ZNF576: variants seen among roughly 807,000 people sequenced by gnomAD.
ZNF576 encodes zinc finger protein 576.
Under a neutral mutation model 10.8 loss-of-function variants are expected in ZNF576, and 9 were observed. The ratio of observed to expected loss-of-function variants is 0.84; its 90% CI spans 0.50 to 1.46. ZNF576 has a LOEUF of 1.46. Among genes scored for constraint, ZNF576 ranks in the 40% most tolerant of loss-of-function variants. The pLI is 0.00. For missense variants in ZNF576, 191 were observed against 233.7 expected, an observed-to-expected ratio of 0.82 and a Z score of 1.19; for synonymous variants, 88 against 89.6, an observed-to-expected ratio of 0.98 and a Z score of 0.10.
intron 1 of ZNF576, 58 bp from the exon 2 acceptor site, chr19:43,597,036 C>A: frequency 6.8e-7 from 1 of 1,460,782 alleles, no homozygotes; most frequent in South Asian, 1.1e-5. Context: ...CTTAGGGTGC[C>A]CTCTAAGACT....
In ZNF576 at chr19:43,599,427, G is replaced by A. The variant is rs749102131; in HGVS notation, c.*169G>A. The A allele has an allele frequency of 1.0e-4, 68 of 658,396 alleles. No individual in the cohort carries two copies. Among genetic ancestry groups the A allele is most frequent in the Non-Finnish European group, 1.6e-4 (63 of 395,232 alleles). 40.8% of individuals were successfully genotyped at this position (658,396 alleles called of 1,614,324 possible). ...CAGAAGATTCTTATTTAGAGCTTCA[G>A]TCTTTGGAGCACACAGGGCCTTCGT... On this transcript the variant is annotated 3_prime_UTR_variant, in exon 3 of 3. Coordinates refer to ENST00000336564, the MANE Select transcript of ZNF576 (RefSeq NM_001145347.2).
rs1166713259 is a variant in ZNF576, at chr19:43,599,611, G to C, written c.*353G>C. ...CATTCTTCCCAGATGGATGCCATGG[G>C]CTATGGGAGCAAATTGCCCTGGACC... On this transcript the variant is annotated 3_prime_UTR_variant, in exon 3 of 3. Coordinates refer to ENST00000336564, the MANE Select transcript of ZNF576 (RefSeq NM_001145347.2). The C allele has an allele frequency of 8.3e-6, 2 of 240,208 alleles. No homozygotes were observed. The highest frequency in any genetic ancestry group is 4.6e-5 in the African/African-American group (2 of 43,806). The allele number at this position is 240,208 out of a possible 1,614,324, so 14.9% of individuals were successfully genotyped here.
upstream of ZNF576, chr19:43,596,452 C>G (rs1419339848): frequency 6.6e-6 from 1 of 152,464 alleles, no homozygotes; most frequent in Non-Finnish European, 1.5e-5. Context: ...GGGATCTCGG[C>G]TCCGAGAGGC....
intron 1 of ZNF576, 63 bp from the exon 2 acceptor site, chr19:43,597,031 G>A (rs1042529864): frequency 2.8e-6 from 4 of 1,407,604 alleles, no homozygotes; most frequent in African/African-American, 2.8e-5. Context: ...ATAGACTTAG[G>A]GTGCCCTCTA....
intron 2 of ZNF576, chr19:43,597,407 G>C (rs1456420023): frequency 2.1e-5 from 11 of 526,456 alleles, no homozygotes; most frequent in Non-Finnish European, 3.4e-5. Flanking sequence ...AAGCAGGATT[G>C]CAATGCTTAT....
chr19:43,597,066 C>T (rs368286378), intron 1 of ZNF576, 28 bp from the exon 2 acceptor site: 44 of 1,600,130 alleles, frequency 2.7e-5, no homozygotes, highest in African/African-American at 8.0e-5. Flanking sequence ...TGAACAGCTT[C>T]ACTTATGCAC....
In ZNF576 at chr19:43,596,962, G is replaced by A. The variant is rs117732853; in HGVS notation, c.-15-132G>A. The A allele has an allele frequency of 7.6e-6, 5 of 661,044 alleles. No homozygotes were observed. In the East Asian group the frequency reaches 1.4e-4, roughly 18 times the overall value. 40.9% of individuals were successfully genotyped at this position (661,044 alleles called of 1,614,324 possible). On this transcript the variant is annotated intron_variant, in intron 1 of 2. Transcript: ENST00000336564. Reference sequence around the variant, plus strand: ...AACTCCATCAATTAGAGTTCAAGGAGATAGTATGTCGTAGGGGTCAAAGGC... The same window carrying A: ...AACTCCATCAATTAGAGTTCAAGGAAATAGTATGTCGTAGGGGTCAAAGGC...
upstream of ZNF576, chr19:43,596,516 T>G (rs1460476329): frequency 1.3e-5 from 2 of 152,806 alleles, no homozygotes; most frequent in Non-Finnish European, 2.9e-5. Context: ...GAGTGGTCCC[T>G]ATCCCACTTC....
Position 43,599,100 on chromosome 19 carries a change from A to G in ZNF576, c.355A>G (p.Lys119Glu). Reference sequence around the variant, plus strand: ...CACCTTCCCTTGTCCTGACTGTGGCAAGACCTTTGGGCAGGCTGTTTCTCT... The same window carrying G: ...CACCTTCCCTTGTCCTGACTGTGGCGAGACCTTTGGGCAGGCTGTTTCTCT... ...QPTFPCPDCG[K>E]TFGQAVSLRR... Residue 119 changes from lysine to glutamate, a missense_variant, in exon 3 of 3, where the codon AAG becomes GAG. Coordinates refer to ENST00000336564, the MANE Select transcript of ZNF576 (RefSeq NM_001145347.2). 6.2e-7 allele frequency: 1 copy of G among 1,614,210 alleles called. No individual in the cohort carries two copies. The highest frequency in any genetic ancestry group is 8.5e-7 in the Non-Finnish European group (1 of 1,180,036).
At chr19:43,598,346 C>T (rs989551452) in intron 2 of ZNF576, among the ~76,000 whole-genome samples, 1 of 152,182 alleles carries the variant, frequency 6.6e-6, no homozygotes, top group Non-Finnish European at 1.5e-5. Context: ...TCCTGGATGT[C>T]GGGCTGGATT....
At chr19:43,596,491 G>C (rs1220275066), upstream of ZNF576, 1 of 152,380 alleles carries the variant, frequency 6.6e-6, no homozygotes, top group Non-Finnish European at 1.5e-5. Flanking sequence ...CGGAAACCAC[G>C]GGGGCCCTGA....
upstream of ZNF576, chr19:43,596,514 C>T (rs1391713908): frequency 6.5e-6 from 1 of 152,732 alleles, no homozygotes; most frequent in Non-Finnish European, 1.5e-5. Context: ...CTGAGTGGTC[C>T]CTATCCCACT....
At chr19:43,597,308 C>G in intron 2 of ZNF576, 115 bp downstream of exon 2, 1 of 873,022 alleles carries the variant, frequency 1.1e-6, no homozygotes, top group Non-Finnish European at 1.9e-6. Flanking sequence ...TGAGAAGGGG[C>G]TGTAATGGTC....
chr19:43,597,340 G>A, intron 2 of ZNF576, 147 bp downstream of exon 2: 2 of 675,268 alleles, frequency 3.0e-6, no homozygotes, highest in South Asian at 1.7e-5. Flanking sequence ...CTAGCAGGAA[G>A]TGCATCTCCT....
rs777483770 is a variant in ZNF576 at position 43,598,929 on chromosome 19, G to A, written c.184G>A (p.Val62Met). 21 of 1,613,680 alleles carry A rather than the reference G, an allele frequency of 1.3e-5. No individual in the cohort carries two copies. The highest frequency in any genetic ancestry group is 1.7e-5 in the Non-Finnish European group (20 of 1,179,688). ...HMKREHPADF[V>M]AQKLQGVLFI... is the part of the protein sequence containing the mutation. ...GAAGCGGGAGCACCCAGCGGACTTC[G>A]TGGCCCAGAAGCTGCAGGGGGTCCT... The change falls in exon 3 of 3, where the codon GTG (valine) becomes ATG (methionine). Residue 62 changes from valine to methionine, a missense_variant. Transcript: ENST00000336564.
intron 1 of ZNF576, 44 bp downstream of exon 1, chr19:43,596,787 C>G (rs543682084): frequency 9.1e-6 from 2 of 219,360 alleles, no homozygotes; most frequent in Admixed American, 1.1e-4. Flanking sequence ...ATTGGGATGA[C>G]GCTGGTGTCA....
intron 2 of ZNF576, chr19:43,597,523 C>T (rs1973160761): frequency 8.6e-6 from 2 of 233,656 alleles, no homozygotes; most frequent in African/African-American, 4.5e-5. Context: ...CCAACTCTGC[C>T]CTAGACTTTC....
At chr19:43,597,618 G>A (rs1973161958) in intron 2 of ZNF576, 1 of 176,414 alleles carries the variant, frequency 5.7e-6, no homozygotes, top group Non-Finnish European at 1.2e-5. Context: ...ATTAACTGCA[G>A]CAAAGGGGAA....
In ZNF576 at chr19:43,597,208, C is replaced by T. The variant is rs747774512; in HGVS notation, c.85+15C>T. The T allele has an allele frequency of 1.9e-5, 31 of 1,612,196 alleles. 1 individual carries two copies. In the Admixed American group the frequency reaches 5.0e-4, roughly 26 times the overall value. ...AGGCAACATCTGTGAGTACACATGGCTGGCGGGCTAGAGGAGGGTGGGGTG... is the reference window on the plus strand; with the variant it reads ...AGGCAACATCTGTGAGTACACATGGTTGGCGGGCTAGAGGAGGGTGGGGTG... On this transcript the variant is annotated intron_variant, in intron 2 of 2. Transcript: ENST00000336564.
Sources: allele counts gnomAD v4.1 joint callset (sites outside exome capture counted in the v4.1 genomes callset), GRCh38; gene constraint gnomAD v4.1.1; transcripts MANE v1.5; gene names NCBI Gene and HGNC (gene_info 2026-07-23, HGNC 2026-07-21).